The following PREX1 variants were observed in gnomAD, a reference collection of about 807,000 sequenced individuals.
PREX1 encodes phosphatidylinositol-3,4,5-trisphosphate dependent Rac exchange factor 1.
A neutral mutation model predicts 198.3 loss-of-function variants in PREX1; 41 were observed. That is an observed-to-expected ratio of 0.21 (90% CI 0.16 to 0.27). The LOEUF (loss-of-function observed/expected upper bound fraction) is 0.27. Among genes scored for constraint, PREX1 ranks in the 10% least tolerant of loss-of-function variants. The pLI, the probability that PREX1 is intolerant of heterozygous loss-of-function variation, is 1.00. For missense variants in PREX1, 1,620 were observed against 2,200.7 expected, an observed-to-expected ratio of 0.74 and a Z score of 5.28; for synonymous variants, 843 against 887.2, an observed-to-expected ratio of 0.95 and a Z score of 0.89.
intron 14 of PREX1, among the ~76,000 whole-genome samples, chr20:48,675,756 T>A (rs747872529): frequency 2.0e-5 from 3 of 152,094 alleles, no homozygotes; most frequent in Non-Finnish European, 4.4e-5. Flanking sequence ...ATTATCAAGA[T>A]GGCCGGGCGT....
intron 1 of PREX1, among the ~76,000 whole-genome samples, chr20:48,816,139 T>C (rs1390918624): frequency 6.6e-6 from 1 of 151,786 alleles, no homozygotes; most frequent in Admixed American, 6.6e-5. Context: ...ACCTGCCCCG[T>C]CTCGCTCAGA....
At chr20:48,663,807 T>A (rs1397675143) in intron 15 of PREX1, among the ~76,000 whole-genome samples, 1 of 152,176 alleles carries the variant, frequency 6.6e-6, no homozygotes, top group African/African-American at 2.4e-5. Flanking sequence ...CATATCCTCC[T>A]TCCCCTGGAC....
At chr20:48,839,980 T>C in the PREX1 span, among the ~76,000 whole-genome samples, 1 of 152,220 alleles carries the variant, frequency 6.6e-6, no homozygotes, top group Non-Finnish European at 1.5e-5. Flanking sequence ...CTTTATATGC[T>C]TTAAGGCCTG....
At chr20:48,680,583 C>T (rs530140099) in intron 11 of PREX1, among the ~76,000 whole-genome samples, 4 of 152,292 alleles carry the variant, frequency 2.6e-5, no homozygotes, top group African/African-American at 9.6e-5. Context: ...CACTCCCTCC[C>T]TGCTATTCCC....
chr20:48,877,965 C>T, the PREX1 span, among the ~76,000 whole-genome samples: 1 of 152,130 alleles, frequency 6.6e-6, no homozygotes, highest in Non-Finnish European at 1.5e-5. Flanking sequence ...AAAAATTAGC[C>T]GGGCATGGTG....
chr20:48,886,988 T>C, the PREX1 span, among the ~76,000 whole-genome samples: 1 of 152,152 alleles, frequency 6.6e-6, no homozygotes, highest in Non-Finnish European at 1.5e-5. Flanking sequence ...CATTTAAGCC[T>C]CACAACCATC....
chr20:48,701,570 T>A (rs754046602), intron 6 of PREX1, among the ~76,000 whole-genome samples: 2 of 152,110 alleles, frequency 1.3e-5, no homozygotes, highest in African/African-American at 2.4e-5. Flanking sequence ...ACTACTTATT[T>A]ATGTCTTGAC....
rs552343587 is a variant in PREX1 at position 48,643,862 on chromosome 20, A to C, written c.3601+547T>G. On this transcript the variant is annotated intron_variant, in intron 27 of 39. Transcript: ENST00000371941. The stretch of plus-strand genomic sequence containing the variant: ...AGCTAATTTTTTGTATTTTTAGTAG[A>C]GACGGGGTTTCACCATGTTGGCCAG... Among the ~76,000 whole-genome samples, 4 of 152,282 alleles carry C rather than the reference A, an allele frequency of 2.6e-5. No individual in the cohort carries two copies. In the East Asian group the frequency reaches 7.7e-4, roughly 29 times the overall value.
At chr20:48,658,003 G>A (rs964625259) in intron 17 of PREX1, 133 bp downstream of exon 17, 5 of 898,312 alleles carry the variant, frequency 5.6e-6, no homozygotes, top group African/African-American at 3.3e-5. Context: ...GTTTCTCCAC[G>A]TGAGCAATGA....
At chr20:48,829,699 A>G (rs1250781903), upstream of PREX1, among the ~76,000 whole-genome samples, 1 of 152,148 alleles carries the variant, frequency 6.6e-6, no homozygotes, top group African/African-American at 2.4e-5. Context: ...TGTTCACGGT[A>G]CCTTTCTGAG....
the PREX1 span, among the ~76,000 whole-genome samples, chr20:48,865,364 C>T: frequency 6.6e-6 from 1 of 152,106 alleles, no homozygotes; most frequent in Non-Finnish European, 1.5e-5. Flanking sequence ...TCTTCTCCTA[C>T]CCCCCACACA....
At chr20:48,649,896 C>T (rs1473588055) in intron 24 of PREX1, 100 bp downstream of exon 24, 18 of 1,378,048 alleles carry the variant, frequency 1.3e-5, no homozygotes, top group East Asian at 7.1e-5. Flanking sequence ...ACCATGGAGC[C>T]GCCATTCCAG....
At chr20:48,738,912 A>T (rs2090068994) in intron 3 of PREX1, among the ~76,000 whole-genome samples, 1 of 152,152 alleles carries the variant, frequency 6.6e-6, no homozygotes, top group African/African-American at 2.4e-5. Context: ...GGGAGGAGAG[A>T]AGTGAGAATC....
intron 36 of PREX1, among the ~76,000 whole-genome samples, chr20:48,630,249 C>T (rs1163960982): frequency 2.0e-5 from 3 of 152,212 alleles, no homozygotes; most frequent in Non-Finnish European, 2.9e-5. Context: ...GCCGAACTAT[C>T]GAGGCCCCTC....
At chr20:48,689,606 A>T (rs1440110927) in intron 9 of PREX1, among the ~76,000 whole-genome samples, 2 of 152,078 alleles carry the variant, frequency 1.3e-5, no homozygotes, top group Non-Finnish European at 2.9e-5. Context: ...CCCAACAAAG[A>T]CCACAAAGAT....
intron 3 of PREX1, among the ~76,000 whole-genome samples, chr20:48,740,424 G>C (rs1006841876): frequency 6.6e-6 from 1 of 152,224 alleles, no homozygotes; most frequent in Non-Finnish European, 1.5e-5. Context: ...ACCCACTCCT[G>C]AGGACAGCCC....
chr20:48,691,984 G>A lies in PREX1; in HGVS notation c.1036+688C>T, dbSNP rs983506835. ...GGCTCACTGCAGCATCGAACTCCTG[G>A]GCTAAGATGATCCTCCCACCTCAGC... On this transcript the variant is annotated intron_variant, in intron 8 of 39. Transcript: ENST00000371941. The surrounding 1 kb of genome is among the most constrained non-coding windows in gnomAD (Gnocchi z 5.0). Among the ~76,000 whole-genome samples the A allele has an allele frequency of 6.6e-6, 1 of 152,154 alleles. No individual in the cohort carries two copies. Among genetic ancestry groups the A allele is most frequent in the Non-Finnish European group, 1.5e-5 (1 of 68,020 alleles).
At chr20:48,741,611 A>G (rs1038636260) in intron 3 of PREX1, among the ~76,000 whole-genome samples, 3 of 152,184 alleles carry the variant, frequency 2.0e-5, no homozygotes, top group African/African-American at 7.2e-5. Flanking sequence ...CTAGGGAGAG[A>G]CAGACAATAA....
intron 29 of PREX1, among the ~76,000 whole-genome samples, chr20:48,641,931 G>C (rs1421153994): frequency 1.3e-5 from 2 of 149,400 alleles, no homozygotes; most frequent in Admixed American, 1.3e-4. Flanking sequence ...GGGGAGGGAA[G>C]GGGAGGGGAG....
Sources: allele counts gnomAD v4.1 joint callset (sites outside exome capture counted in the v4.1 genomes callset), GRCh38; gene constraint gnomAD v4.1.1; non-coding constraint Gnocchi (gnomAD v3.1); transcripts MANE v1.5; gene names NCBI Gene and HGNC (gene_info 2026-07-23, HGNC 2026-07-21).